TEX11: variants seen among roughly 807,000 people sequenced by gnomAD.
TEX11 encodes testis-expressed protein 11.
In TEX11, 7 loss-of-function variants were observed where a neutral mutation model predicts 84.4. The ratio of observed to expected loss-of-function variants is 0.08; its 90% CI spans 0.05 to 0.16. TEX11 has a LOEUF of 0.16. Among genes scored for constraint, TEX11 ranks in the 10% least tolerant of loss-of-function variants. TEX11 has a pLI of 1.00. For missense variants in TEX11, 551 were observed against 660.5 expected, an observed-to-expected ratio of 0.83 and a Z score of 1.82; for synonymous variants, 264 against 222.8, an observed-to-expected ratio of 1.18 and a Z score of -1.64.
chrX:70,556,453 A>T (rs752977296), intron 25 of TEX11, among the ~76,000 whole-genome samples: 1 of 112,184 alleles, frequency 8.9e-6, no homozygotes, highest in South Asian at 3.7e-4. Flanking sequence ...ATAGATATAT[A>T]ATTCTCTTGT....
chrX:70,591,614 C>T, intron 25 of TEX11, 137 bp downstream of exon 25: 1 of 463,795 alleles, frequency 2.2e-6, no homozygotes, highest in Non-Finnish European at 3.6e-6. Flanking sequence ...AAAAAACAAA[C>T]AAAACAACAG....
At chrX:70,690,898 A>G (rs1006984759) in intron 13 of TEX11, among the ~76,000 whole-genome samples, 8 of 111,385 alleles carry the variant, frequency 7.2e-5, no homozygotes, top group Admixed American at 5.8e-4. Context: ...ATCAAAAGGC[A>G]ACTTACAGAA....
chrX:70,677,268 A>T (rs5980727), intron 15 of TEX11, among the ~76,000 whole-genome samples: 2,926 of 111,755 alleles, frequency 0.026, 58 homozygotes, highest in Middle Eastern at 0.051. Context: ...CTGGAGCAGG[A>T]CTTAGTGTAG....
At chrX:70,656,261 CA>C (rs2089864808) in intron 16 of TEX11, among the ~76,000 whole-genome samples, 1 of 77,667 alleles carries the variant, frequency 1.3e-5, no homozygotes, top group African/African-American at 3.6e-5. Flanking sequence ...CCCGTCTCAA[CA>C]AAAAAATTTT....
chrX:70,522,707 ATT>A, the TEX11 span, among the ~76,000 whole-genome samples: 10 of 95,363 alleles, frequency 1.0e-4, no homozygotes, highest in Admixed American at 1.1e-4. Flanking sequence ...CCAATTTTGT[ATT>A]TTTTTTTTTT....
chrX:70,857,723 T>G (rs998344820), intron 5 of TEX11, among the ~76,000 whole-genome samples: 2 of 111,959 alleles, frequency 1.8e-5, no homozygotes, highest in Non-Finnish European at 3.8e-5. Context: ...AAAGTTCAGA[T>G]AGCGAATCTT....
At chrX:70,908,185 A>G (rs1388508189) in intron 1 of TEX11, among the ~76,000 whole-genome samples, 1 of 111,680 alleles carries the variant, frequency 9.0e-6, no homozygotes, top group Non-Finnish European at 1.9e-5. Context: ...TAGCACCTTC[A>G]GTATCCTGCC....
intron 16 of TEX11, among the ~76,000 whole-genome samples, chrX:70,652,823 C>T (rs2089824936): frequency 1.8e-5 from 2 of 110,736 alleles, no homozygotes; most frequent in Admixed American, 9.7e-5. Flanking sequence ...CAGCACAGAG[C>T]GATTACAAAC....
the TEX11 span, among the ~76,000 whole-genome samples, chrX:70,517,815 T>C: frequency 9.0e-6 from 1 of 111,602 alleles, no homozygotes; most frequent in Non-Finnish European, 1.9e-5. Flanking sequence ...TATTGGTCTA[T>C]TCAGAGATTC....
chrX:70,767,653 A>T (rs751835347), intron 9 of TEX11, among the ~76,000 whole-genome samples: 14 of 111,936 alleles, frequency 1.3e-4, no homozygotes, highest in Non-Finnish European at 1.7e-4. Flanking sequence ...AAATCAGTAT[A>T]TTGAAGAGAT....
chrX:70,713,350 A>T (rs1048147190), intron 13 of TEX11, among the ~76,000 whole-genome samples: 3 of 112,029 alleles, frequency 2.7e-5, no homozygotes, highest in African/African-American at 9.7e-5. Context: ...TGATTGGAAT[A>T]GTTTCAGAAG....
chrX:70,774,273 T>TAA (rs1309488102), intron 9 of TEX11, among the ~76,000 whole-genome samples: 21 of 58,202 alleles, frequency 3.6e-4, no homozygotes, highest in African/African-American at 3.2e-4. Flanking sequence ...GCTAACATCA[T>TAA]AAAAAAAAAA....
At chrX:70,808,819 A>G (rs1430108748) in intron 8 of TEX11, among the ~76,000 whole-genome samples, 1 of 111,816 alleles carries the variant, frequency 8.9e-6, no homozygotes, top group East Asian at 2.8e-4. Context: ...CAAAATACTC[A>G]GGAAAAATTA....
chrX:70,839,243 G>A (rs2017391194), intron 7 of TEX11, among the ~76,000 whole-genome samples: 2 of 111,927 alleles, frequency 1.8e-5, no homozygotes. Context: ...GCACCCCCAG[G>A]AGGGGCGGAC....
At chrX:70,625,578 T>A (rs1415286284) in intron 18 of TEX11, among the ~76,000 whole-genome samples, 2 of 110,297 alleles carry the variant, frequency 1.8e-5, no homozygotes, top group Admixed American at 1.9e-4. Flanking sequence ...TTTAAAATTA[T>A]TCTCCCATTC....
rs1602124472 is a variant in TEX11, at chrX:70,783,040, A to C, written c.692+23665T>G. Among the ~76,000 whole-genome samples the C allele has an allele frequency of 2.7e-5, 3 of 111,521 alleles. No individual in the cohort carries two copies. The Middle Eastern group carries it at 0.014, about 512-fold the overall frequency. ...CAACAGAATATACATTCTTCTCAGC[A>C]CCACATCGCACTTATTCTAAAATTG... On this transcript the variant is annotated intron_variant, in intron 9 of 29. Transcript: ENST00000374333.
rs1229781069 is a variant in TEX11 at position 70,565,475 on chromosome X, G to T, written c.2141-10675C>A. Among the ~76,000 whole-genome samples, 3 of 110,008 alleles carry T rather than the reference G, an allele frequency of 2.7e-5. No individual in the cohort carries two copies. The Admixed American group carries it at 2.9e-4, about 11-fold the overall frequency. The stretch of plus-strand genomic sequence containing the variant: ...TTGGTGTTTTAGACATGAAGTCCTT[G>T]CCCATGCCTATGTCCTGAATGGTAA... On this transcript the variant is annotated intron_variant, in intron 25 of 29. Transcript: ENST00000374333.
At position 70,853,657 on chromosome X, in the gene TEX11, G is replaced by A. The variant is rs144495031; in HGVS notation, c.325-329C>T. ...TTAATGCTTCACATACTTGAAGAAA[G>A]GCATATGATAAGCATTAGACTACTG... On this transcript the variant is annotated intron_variant, in intron 5 of 29. Coordinates refer to ENST00000374333, the MANE Select transcript of TEX11 (RefSeq NM_031276.3). 9.0e-3 allele frequency among the ~76,000 whole-genome samples: 1,015 copies of A among 112,449 alleles called. 8 individuals carry two copies. Among genetic ancestry groups the A allele is most frequent in the African/African-American group, 0.031 (974 of 31,028 alleles).
intron 17 of TEX11, among the ~76,000 whole-genome samples, chrX:70,633,178 GCAAAT>G (rs1385421349): frequency 8.9e-6 from 1 of 111,967 alleles, no homozygotes; most frequent in Non-Finnish European, 1.9e-5. Flanking sequence ...CAAACCATTA[GCAAAT>G]CAAATTATAT....
Sources: gnomAD v4.1 joint callset for allele counts (sites outside exome capture counted in the v4.1 genomes callset) on GRCh38, gnomAD v4.1.1 for gene constraint, MANE v1.5 for transcripts, NCBI Gene and HGNC (gene_info 2026-07-23, HGNC 2026-07-21) for gene names.